Variants in KLHL14 observed in about 807,000 individuals in gnomAD.
KLHL14 encodes the protein kelch like family member 14.
KLHL14 carries 22 observed loss-of-function variants against 64.3 expected under a neutral mutation model. That is an observed-to-expected ratio of 0.34 (90% CI 0.24 to 0.49). The LOEUF (loss-of-function observed/expected upper bound fraction) is 0.49. Ranked by LOEUF, KLHL14 falls within the 20% of genes least tolerant of loss-of-function variation. The pLI, the probability that KLHL14 is intolerant of heterozygous loss-of-function variation, is 0.99. For synonymous variants in KLHL14, 322 were observed against 333.4 expected (o/e 0.97, Z 0.37); for missense variants, 661 against 789.0 (o/e 0.84, Z 1.94).
intron 3 of KLHL14, among the ~76,000 whole-genome samples, chr18:32,722,840 A>G (rs1025784171): frequency 1.7e-4 from 26 of 152,124 alleles, no homozygotes; most frequent in African/African-American, 5.8e-4. Flanking sequence ...CTGTAGTCTC[A>G]GCTGTTTGGG....
intron 3 of KLHL14, among the ~76,000 whole-genome samples, chr18:32,701,122 T>G (rs896980730): frequency 2.0e-5 from 3 of 152,206 alleles, no homozygotes; most frequent in African/African-American, 7.2e-5. Flanking sequence ...GTATTCCATT[T>G]GATGGGCATT....
intron 7 of KLHL14, among the ~76,000 whole-genome samples, chr18:32,679,327 G>A (rs1200443033): frequency 6.6e-6 from 1 of 152,174 alleles, no homozygotes; most frequent in African/African-American, 2.4e-5. Context: ...ATGCACACAT[G>A]TGCGTTATCT....
At chr18:32,732,714 G>T (rs1417043283) in intron 3 of KLHL14, among the ~76,000 whole-genome samples, 6 of 152,174 alleles carry the variant, frequency 3.9e-5, no homozygotes, top group Admixed American at 6.5e-5. Flanking sequence ...GACATGAAAA[G>T]AAATAACTAT....
intron 3 of KLHL14, among the ~76,000 whole-genome samples, chr18:32,738,934 G>A (rs939482506): frequency 6.6e-6 from 1 of 152,158 alleles, no homozygotes; most frequent in Non-Finnish European, 1.5e-5. Context: ...GATATAAGGT[G>A]TGTAAATGGA....
chr18:32,752,881 G>A (rs960276060), intron 2 of KLHL14, among the ~76,000 whole-genome samples: 5 of 150,308 alleles, frequency 3.3e-5, no homozygotes, highest in Admixed American at 2.7e-4. Flanking sequence ...CCTCCAATGT[G>A]GGAACTTTTA....
intron 3 of KLHL14, among the ~76,000 whole-genome samples, chr18:32,735,741 A>T (rs1444162497): frequency 1.3e-5 from 2 of 152,092 alleles, no homozygotes; most frequent in Admixed American, 6.6e-5. Flanking sequence ...GCTACCTGGG[A>T]TTATTTATTA....
intron 2 of KLHL14, among the ~76,000 whole-genome samples, chr18:32,755,567 A>G: frequency 6.6e-6 from 1 of 152,180 alleles, no homozygotes; most frequent in Non-Finnish European, 1.5e-5. Flanking sequence ...ATTTTTTAAG[A>G]AATCACTATC....
intron 2 of KLHL14, among the ~76,000 whole-genome samples, chr18:32,747,218 G>C (rs2050228019): frequency 6.6e-6 from 1 of 152,142 alleles, no homozygotes; most frequent in Admixed American, 6.5e-5. Flanking sequence ...TTTGGTACCA[G>C]GGTCCGGTTT....
chr18:32,763,164 T>C (rs1037548402), intron 2 of KLHL14, among the ~76,000 whole-genome samples: 1 of 152,064 alleles, frequency 6.6e-6, no homozygotes, highest in Non-Finnish European at 1.5e-5. Flanking sequence ...TTCTTTTCTT[T>C]ATTTAAAGTG....
Position 32,680,209 on chromosome 18 carries a change from C to T in KLHL14, c.1548G>A (p.Met516Ile). 5 of 1,613,774 alleles carry T rather than the reference C, an allele frequency of 3.1e-6. No homozygotes were observed. The highest frequency in any genetic ancestry group is 1.3e-5 in the African/African-American group (1 of 75,022). Residue 516 changes from methionine (M) to isoleucine (I), a missense_variant, in exon 7 of 9, where the codon ATG (methionine) becomes ATA (isoleucine). By Grantham distance (10) the Met-to-Ile change is conservative. Transcript: ENST00000359358. The surrounding 1 kb of genome is among the most constrained non-coding windows in gnomAD (Gnocchi z 4.8). ...CTCCAATTGCATACAAGCGATCATT[C>T]ATTACAGCCAAAGTGTGAATTGCAC... ...TKRAIHTLAVMNDRLYAIGGN... is the reference protein window; with the variant it reads ...TKRAIHTLAVINDRLYAIGGN...
At chr18:32,769,616 C>T (rs1261522006) in intron 2 of KLHL14, 29 bp downstream of exon 2, 2 of 1,105,252 alleles carry the variant, frequency 1.8e-6, no homozygotes, top group African/African-American at 1.6e-5. Context: ...ACCCCCCCCT[C>T]CCCCGCCCTC....
chr18:32,717,490 T>C (rs2050052369), intron 3 of KLHL14, among the ~76,000 whole-genome samples: 2 of 152,180 alleles, frequency 1.3e-5, no homozygotes, highest in African/African-American at 4.8e-5. Flanking sequence ...ACTCATGCAT[T>C]TCTTCATTCA....
At chr18:32,701,549 T>C (rs1346799280) in intron 3 of KLHL14, among the ~76,000 whole-genome samples, 1 of 152,172 alleles carries the variant, frequency 6.6e-6, no homozygotes, top group Non-Finnish European at 1.5e-5. Context: ...AATGCAGGTC[T>C]TCATGAGCCA....
intron 1 of KLHL14, among the ~76,000 whole-genome samples, chr18:32,771,701 C>T (rs1036195528): frequency 1.3e-5 from 2 of 151,950 alleles, no homozygotes; most frequent in Non-Finnish European, 2.9e-5. Context: ...CACGGTTTCC[C>T]CTCCCGGGCA....
chr18:32,693,993 G>GTTTTGT (rs1555661168), intron 4 of KLHL14, among the ~76,000 whole-genome samples: 3 of 151,690 alleles, frequency 2.0e-5, no homozygotes, highest in African/African-American at 7.3e-5. Flanking sequence ...GTTTTGTTTT[G>GTTTTGT]TTTTTTTGCA....
intron 7 of KLHL14, among the ~76,000 whole-genome samples, chr18:32,679,112 C>T (rs186274421): frequency 6.6e-6 from 1 of 152,144 alleles, no homozygotes; most frequent in Admixed American, 6.5e-5. Flanking sequence ...TTGGGGAGAG[C>T]ACTTAAGCTG....
chr18:32,755,420 G>A (rs714776), intron 2 of KLHL14, among the ~76,000 whole-genome samples: 10,852 of 152,158 alleles, frequency 0.071, 1,299 homozygotes, highest in African/African-American at 0.24. Context: ...TCTGTAGTGC[G>A]CTAGGGACCC....
At chr18:32,700,626 A>G (rs189295925) in intron 3 of KLHL14, among the ~76,000 whole-genome samples, 2 of 152,246 alleles carry the variant, frequency 1.3e-5, no homozygotes, top group African/African-American at 4.8e-5. Context: ...TTAATCAAGT[A>G]TTTGTTTTGG....
At chr18:32,719,523 C>T (rs1447631482) in intron 3 of KLHL14, among the ~76,000 whole-genome samples, 1 of 152,152 alleles carries the variant, frequency 6.6e-6, no homozygotes, top group Non-Finnish European at 1.5e-5. Context: ...TGTAATGCAT[C>T]TGAATTGATC....
Sources: gnomAD v4.1 joint callset for allele counts (sites outside exome capture counted in the v4.1 genomes callset) on GRCh38, gnomAD v4.1.1 for gene constraint, Gnocchi (gnomAD v3.1) non-coding constraint, MANE v1.5 for transcripts, NCBI Gene and HGNC (gene_info 2026-07-23, HGNC 2026-07-21) for gene names.